Variants in PRKG1 observed in about 807,000 individuals in gnomAD.
PRKG1 encodes the protein protein kinase cGMP-dependent 1.
PRKG1 carries 35 observed loss-of-function variants against 88.1 expected under a neutral mutation model. That is an observed-to-expected ratio of 0.40 (90% CI 0.30 to 0.53). The LOEUF (loss-of-function observed/expected upper bound fraction) is 0.53. PRKG1 is among the 20% of genes least tolerant of loss of function. The pLI, the probability that PRKG1 is intolerant of heterozygous loss-of-function variation, is 0.59. For missense variants in PRKG1, 540 were observed against 839.8 expected (o/e 0.64, Z 4.41); for synonymous variants, 303 against 292.5 (o/e 1.04, Z -0.37).
chr10:51,781,868 G>A (rs1838598195), intron 3 of PRKG1, among the ~76,000 whole-genome samples: 1 of 151,824 alleles, frequency 6.6e-6, no homozygotes, highest in Non-Finnish European at 1.5e-5. Context: ...AGTTATGTCT[G>A]CAATATTGGG....
At chr10:52,146,062 T>C (rs1406811297) in intron 8 of PRKG1, among the ~76,000 whole-genome samples, 5 of 152,174 alleles carry the variant, frequency 3.3e-5, no homozygotes, top group Admixed American at 3.3e-4. Flanking sequence ...GTTGTCCTCC[T>C]AGCTGCACTG....
intron 4 of PRKG1, among the ~76,000 whole-genome samples, chr10:51,867,292 G>A (rs1350886632): frequency 2.0e-5 from 3 of 152,174 alleles, no homozygotes; most frequent in African/African-American, 4.8e-5. Flanking sequence ...AGGACCTTAT[G>A]TTCCATGCTA....
chr10:52,057,770 C>T (rs977832313), intron 6 of PRKG1, among the ~76,000 whole-genome samples: 3 of 151,976 alleles, frequency 2.0e-5, no homozygotes, highest in Admixed American at 1.3e-4. Context: ...AAATATGTTG[C>T]CTTAACACAA....
intron 3 of PRKG1, among the ~76,000 whole-genome samples, chr10:51,766,587 C>T (rs979756223): frequency 6.6e-6 from 1 of 152,070 alleles, no homozygotes; most frequent in Non-Finnish European, 1.5e-5. Flanking sequence ...ACACTAACCA[C>T]CTGCCTGACA....
At chr10:51,973,261 C>A (rs1291797873) in intron 5 of PRKG1, among the ~76,000 whole-genome samples, 1 of 152,198 alleles carries the variant, frequency 6.6e-6, no homozygotes, top group African/African-American at 2.4e-5. Flanking sequence ...AAGCTACACT[C>A]AACCTTGCTG....
intron 5 of PRKG1, among the ~76,000 whole-genome samples, chr10:51,992,973 G>A (rs1273283055): frequency 6.6e-5 from 10 of 152,240 alleles, no homozygotes; most frequent in Middle Eastern, 6.8e-3. Context: ...TGAGACCAGC[G>A]TTTGTGCTTA....
chr10:51,051,985 T>C (rs1361610801), intron 1 of PRKG1, among the ~76,000 whole-genome samples: 1 of 152,136 alleles, frequency 6.6e-6, no homozygotes, highest in African/African-American at 2.4e-5. Context: ...AAAATGCAAG[T>C]TACTATTATT....
intron 3 of PRKG1, among the ~76,000 whole-genome samples, chr10:51,681,557 A>T (rs1181701418): frequency 6.6e-6 from 1 of 152,152 alleles, no homozygotes; most frequent in Admixed American, 6.5e-5. Flanking sequence ...TTTCTCTCTT[A>T]TATCTCTAAC....
At chr10:51,727,847 T>C (rs953233421) in intron 3 of PRKG1, among the ~76,000 whole-genome samples, 2 of 152,198 alleles carry the variant, frequency 1.3e-5, no homozygotes, top group African/African-American at 4.8e-5. Flanking sequence ...TATTCATTAA[T>C]ATGTATGCAT....
chr10:51,784,004 TA>T (rs1403991039), intron 3 of PRKG1, among the ~76,000 whole-genome samples: 1 of 152,102 alleles, frequency 6.6e-6, no homozygotes, highest in Admixed American at 6.6e-5. Context: ...CCATCTTGGT[TA>T]ACTCTTTCTC....
At chr10:51,699,312 G>T in intron 3 of PRKG1, 2 of 1,613,964 alleles carry the variant, frequency 1.2e-6, no homozygotes, top group South Asian at 2.2e-5. Flanking sequence ...CTGAACTCCC[G>T]CCCATTGAGG....
chr10:51,493,817 T>C lies in PRKG1; in HGVS notation c.592+25981T>C, dbSNP rs542369824. On this transcript the variant is annotated intron_variant, in intron 3 of 17. Transcript: ENST00000373980. Reference sequence around the variant, plus strand: ...AATTCTATTAGAGAATATATCATCATTTGCTCATTAAATAGTTAAATGAAT... The same window carrying C: ...AATTCTATTAGAGAATATATCATCACTTGCTCATTAAATAGTTAAATGAAT... 3.6e-3 allele frequency among the ~76,000 whole-genome samples: 545 copies of C among 152,292 alleles called. 3 individuals are homozygous for C. Among genetic ancestry groups the C allele is most frequent in the African/African-American group, 0.013 (525 of 41,554 alleles).
At chr10:51,312,661 T>C (rs562484619) in intron 2 of PRKG1, among the ~76,000 whole-genome samples, 9 of 151,002 alleles carry the variant, frequency 6.0e-5, no homozygotes, top group Non-Finnish European at 1.2e-4. Context: ...TAAACAAACA[T>C]AGGGAATGTT....
intron 2 of PRKG1, among the ~76,000 whole-genome samples, chr10:51,156,375 C>G (rs1226187817): frequency 6.6e-6 from 1 of 151,210 alleles, no homozygotes; most frequent in East Asian, 1.9e-4. Context: ...GATATTTCTT[C>G]CCCAGGTAAG....
intron 3 of PRKG1, among the ~76,000 whole-genome samples, chr10:51,492,467 G>A (rs74132512): frequency 0.017 from 2,629 of 152,176 alleles, 54 homozygotes; most frequent in African/African-American, 0.044. Context: ...TGAAAGATAA[G>A]ATGATTAAGT....
chr10:51,665,917 A>ATGTGTG (rs368796918), intron 3 of PRKG1, among the ~76,000 whole-genome samples: 231 of 150,358 alleles, frequency 1.5e-3, no homozygotes, highest in African/African-American at 5.3e-3. Context: ...ATTTATGAAT[A>ATGTGTG]TGTGTGTGTG....
chr10:51,037,323 G>A (rs1016924023), intron 1 of PRKG1, among the ~76,000 whole-genome samples: 3 of 151,794 alleles, frequency 2.0e-5, no homozygotes, highest in Admixed American at 6.6e-5. Context: ...TAAAAAATTA[G>A]TATGGCATCC....
At chr10:51,466,357 T>C (rs944638310) in intron 2 of PRKG1, among the ~76,000 whole-genome samples, 1 of 152,086 alleles carries the variant, frequency 6.6e-6, no homozygotes, top group African/African-American at 2.4e-5. Flanking sequence ...TTTGAGTTGT[T>C]GAATTTGTTC....
intron 2 of PRKG1, among the ~76,000 whole-genome samples, chr10:51,323,204 C>A (rs1272069206): frequency 6.6e-6 from 1 of 152,050 alleles, no homozygotes; most frequent in Non-Finnish European, 1.5e-5. Flanking sequence ...AATATTGCTA[C>A]GATATGATAT....
Sources: allele counts gnomAD v4.1 joint callset (sites outside exome capture counted in the v4.1 genomes callset), GRCh38; gene constraint gnomAD v4.1.1; transcripts MANE v1.5; gene names NCBI Gene and HGNC (gene_info 2026-07-23, HGNC 2026-07-21).